Variants in DTWD2 observed in about 807,000 individuals in gnomAD.
DTWD2 encodes DTW motif tRNA-uridine aminocarboxypropyltransferase 2, also known as tRNA-uridine aminocarboxypropyltransferase 2.
Under a neutral mutation model 31.8 loss-of-function variants are expected in DTWD2, and 39 were observed. That is an observed-to-expected ratio of 1.22 (90% CI 0.95 to 1.60). DTWD2 has a LOEUF of 1.60. DTWD2 is among the 40% of genes most tolerant of loss of function. DTWD2 has a pLI of 0.00. For synonymous variants in DTWD2, 180 were observed against 142.8 expected (o/e 1.26, Z -1.86); for missense variants, 515 against 381.5 (o/e 1.35, Z -2.92).
intron 5 of DTWD2, among the ~76,000 whole-genome samples, chr5:118,841,778 TA>T (rs1384716429): frequency 4.1e-5 from 6 of 147,878 alleles, no homozygotes; most frequent in African/African-American, 5.0e-5. Flanking sequence ...ATTCAAAAAT[TA>T]AAAAAAAAAC....
intron 4 of DTWD2, among the ~76,000 whole-genome samples, chr5:118,854,853 G>C (rs907795081): frequency 7.2e-5 from 11 of 152,114 alleles, no homozygotes; most frequent in African/African-American, 2.7e-4. Context: ...ATTAATCATA[G>C]AAATATGGTT....
At chr5:118,868,817 A>G (rs116130523) in intron 4 of DTWD2, among the ~76,000 whole-genome samples, 158 of 143,388 alleles carry the variant, frequency 1.1e-3, no homozygotes, top group Non-Finnish European at 1.9e-3. Flanking sequence ...AGCCTGAATG[A>G]GAGATCAAGA....
intron 4 of DTWD2, among the ~76,000 whole-genome samples, chr5:118,883,186 G>A (rs1437585982): frequency 6.6e-6 from 1 of 152,208 alleles, no homozygotes. Context: ...AATTCAGCCA[G>A]TCTCTTTGCT....
At chr5:118,889,794 C>T (rs887485169) in intron 4 of DTWD2, among the ~76,000 whole-genome samples, 3 of 152,096 alleles carry the variant, frequency 2.0e-5, no homozygotes, top group African/African-American at 7.2e-5. Flanking sequence ...TAAGTCACTG[C>T]TTTCTAAGAC....
rs1384860692 is a variant in DTWD2 at position 118,887,162 on chromosome 5, TG to T, written c.598-38945del. Among the ~76,000 whole-genome samples the T allele has an allele frequency of 1.1e-4, 16 of 152,322 alleles. No homozygotes were observed. The East Asian group carries it at 2.1e-3, about 20-fold the overall frequency. On this transcript the variant is annotated intron_variant, in intron 4 of 5. Transcript: ENST00000510708. ...AGCAGTTTATGTCAGTTTCAAATCC[TG>T]GATCTGCCACTTTCTTAACTTGCTA...
At chr5:118,930,717 GC>G (rs1473707200) in intron 3 of DTWD2, among the ~76,000 whole-genome samples, 1 of 152,114 alleles carries the variant, frequency 6.6e-6, no homozygotes, top group African/African-American at 2.4e-5. Context: ...AAAACATTAT[GC>G]TAAGTGAAAG....
rs1165717001 is a variant in DTWD2, at chr5:118,836,693, C to A, written c.*4224G>T. ...CGAGGTATAGTATTAGGAAGTGGAACCTTTGGGGGATGATTAGGTCATAAG... is the reference window on the plus strand; with the variant it reads ...CGAGGTATAGTATTAGGAAGTGGAAACTTTGGGGGATGATTAGGTCATAAG... On this transcript the variant is annotated 3_prime_UTR_variant, in exon 6 of 6. Coordinates refer to ENST00000510708, the MANE Select transcript of DTWD2 (RefSeq NM_173666.4). Among the ~76,000 whole-genome samples, 2 of 152,118 alleles carry A rather than the reference C, an allele frequency of 1.3e-5. No individual in the cohort carries two copies. Among genetic ancestry groups the A allele is most frequent in the African/African-American group, 2.4e-5 (1 of 41,420 alleles).
intron 1 of DTWD2, among the ~76,000 whole-genome samples, chr5:118,958,483 A>G (rs1754638274): frequency 6.6e-6 from 1 of 151,742 alleles, no homozygotes; most frequent in African/African-American, 2.4e-5. Context: ...AACAACAACA[A>G]CAACAAAAGA....
At chr5:118,875,086 C>A (rs1341792356) in intron 4 of DTWD2, among the ~76,000 whole-genome samples, 2 of 152,030 alleles carry the variant, frequency 1.3e-5, no homozygotes, top group African/African-American at 4.8e-5. Flanking sequence ...GAAATCCAAC[C>A]CAGAATTTCA....
intron 3 of DTWD2, among the ~76,000 whole-genome samples, chr5:118,937,481 T>A (rs1754071158): frequency 6.6e-6 from 1 of 152,162 alleles, no homozygotes; most frequent in Admixed American, 6.5e-5. Flanking sequence ...TTATCTGTAA[T>A]CCAGCCAACC....
At chr5:118,843,371 G>GAGGAAGGAAGGAAGGAAGGAAGGA (rs1554060661) in intron 5 of DTWD2, among the ~76,000 whole-genome samples, 4 of 143,618 alleles carry the variant, frequency 2.8e-5, no homozygotes, top group African/African-American at 1.1e-4. Context: ...GGGAGGAAGG[G>GAGGAAGGAAGGAAGGAAGGAAGGA]AGGAAGGAAG....
At chr5:118,981,958 G>C (rs1300175819) in intron 1 of DTWD2, among the ~76,000 whole-genome samples, 1 of 152,098 alleles carries the variant, frequency 6.6e-6, no homozygotes, top group Non-Finnish European at 1.5e-5. Flanking sequence ...ATGTGGTGTA[G>C]CAATAATTCA....
At chr5:118,866,069 C>G in intron 4 of DTWD2, among the ~76,000 whole-genome samples, 1 of 151,516 alleles carries the variant, frequency 6.6e-6, no homozygotes. Flanking sequence ...AACTGATGAC[C>G]CTTAGAACCA....
At chr5:118,977,758 C>T (rs1755198872) in intron 1 of DTWD2, among the ~76,000 whole-genome samples, 2 of 152,174 alleles carry the variant, frequency 1.3e-5, no homozygotes, top group African/African-American at 4.8e-5. Flanking sequence ...AATGGCCATA[C>T]TGCCCAATTT....
intron 4 of DTWD2, among the ~76,000 whole-genome samples, chr5:118,925,944 C>A (rs1753799438): frequency 6.6e-6 from 1 of 151,196 alleles, no homozygotes; most frequent in African/African-American, 2.4e-5. Flanking sequence ...GAAAAAAACA[C>A]ATAAACAAAG....
intron 4 of DTWD2, among the ~76,000 whole-genome samples, chr5:118,887,098 T>C (rs1392989374): frequency 2.6e-5 from 4 of 152,302 alleles, no homozygotes; most frequent in South Asian, 2.1e-4. Context: ...TCTGAGTGGT[T>C]TGGGTGGCTA....
intron 4 of DTWD2, among the ~76,000 whole-genome samples, chr5:118,878,935 G>T (rs944246253): frequency 6.6e-6 from 1 of 152,176 alleles, no homozygotes; most frequent in African/African-American, 2.4e-5. Context: ...AAAGCACAAT[G>T]AGATGCCATC....
chr5:118,857,319 C>T (rs956293153), intron 4 of DTWD2, among the ~76,000 whole-genome samples: 1 of 151,884 alleles, frequency 6.6e-6, no homozygotes, highest in Non-Finnish European at 1.5e-5. Context: ...CATAATATAG[C>T]GTGTATAACT....
chr5:118,925,403 C>G (rs960066393), intron 4 of DTWD2, among the ~76,000 whole-genome samples: 1 of 152,162 alleles, frequency 6.6e-6, no homozygotes, highest in African/African-American at 2.4e-5. Context: ...GGTACCTATT[C>G]ACACAGAAAT....
Sources: allele counts gnomAD v4.1 joint callset (sites outside exome capture counted in the v4.1 genomes callset), GRCh38; gene constraint gnomAD v4.1.1; transcripts MANE v1.5; gene names NCBI Gene and HGNC (gene_info 2026-07-23, HGNC 2026-07-21).